Variants in SORCS1 observed in about 807,000 individuals in gnomAD.
SORCS1 encodes VPS10 domain-containing receptor SorCS1.
In SORCS1, 60 loss-of-function variants were observed where a neutral mutation model predicts 146.1. That is an observed-to-expected ratio of 0.41 (90% CI 0.33 to 0.51). SORCS1 has a LOEUF of 0.51. SORCS1 is among the 20% of genes least tolerant of loss of function. The pLI, the probability that SORCS1 is intolerant of heterozygous loss-of-function variation, is 0.21. For synonymous variants in SORCS1, 637 were observed against 584.0 expected (o/e 1.09, Z -1.31); for missense variants, 1,352 against 1,487.6 (o/e 0.91, Z 1.50).
At chr10:107,146,031 T>A (rs916748361) in intron 1 of SORCS1, among the ~76,000 whole-genome samples, 1 of 152,194 alleles carries the variant, frequency 6.6e-6, no homozygotes, top group East Asian at 1.9e-4. Context: ...CACAGGGAAG[T>A]AGCTCCACAG....
intron 1 of SORCS1, among the ~76,000 whole-genome samples, chr10:106,964,105 A>G (rs1383194549): frequency 6.6e-6 from 1 of 152,206 alleles, no homozygotes; most frequent in African/African-American, 2.4e-5. Context: ...TGAGGGAGAA[A>G]GCTCAGAGAG....
At chr10:107,075,014 C>T (rs1962759942) in intron 1 of SORCS1, among the ~76,000 whole-genome samples, 1 of 152,000 alleles carries the variant, frequency 6.6e-6, no homozygotes, top group African/African-American at 2.4e-5. Flanking sequence ...CACATCTATC[C>T]AAAAGTGGGA....
intron 1 of SORCS1, among the ~76,000 whole-genome samples, chr10:106,998,999 C>G (rs1002524662): frequency 6.6e-5 from 10 of 152,176 alleles, no homozygotes; most frequent in African/African-American, 2.4e-4. Flanking sequence ...TGAGGTTGGT[C>G]AGAGGTGACT....
At chr10:107,110,187 T>A (rs940466027) in intron 1 of SORCS1, among the ~76,000 whole-genome samples, 2 of 152,142 alleles carry the variant, frequency 1.3e-5, no homozygotes, top group South Asian at 2.1e-4. Context: ...CCCTCCAGAT[T>A]TTTTCAACCT....
intron 4 of SORCS1, 147 bp downstream of exon 4, chr10:106,776,387 T>C: frequency 3.1e-6 from 3 of 958,006 alleles, no homozygotes; most frequent in South Asian, 3.6e-5. Flanking sequence ...AGACTCTCCT[T>C]GCTTTCCCTT....
intron 1 of SORCS1, among the ~76,000 whole-genome samples, chr10:107,162,548 A>T (rs904782062): frequency 1.3e-5 from 2 of 152,212 alleles, no homozygotes; most frequent in Non-Finnish European, 2.9e-5. Flanking sequence ...ACCATATAAA[A>T]TCACAGACTC....
chr10:107,084,777 A>G (rs1166234919), intron 1 of SORCS1, among the ~76,000 whole-genome samples: 1 of 152,182 alleles, frequency 6.6e-6, no homozygotes, highest in Non-Finnish European at 1.5e-5. Flanking sequence ...TAAATTCTAC[A>G]AAACCACAAA....
intron 21 of SORCS1, among the ~76,000 whole-genome samples, chr10:106,615,038 C>T (rs1354901374): frequency 1.4e-4 from 1 of 7,298 alleles, no homozygotes; most frequent in East Asian, 0.1. Context: ...TTTTTCAGTC[C>T]CATCATGACA....
At chr10:107,180,583 G>A in the SORCS1 span, among the ~76,000 whole-genome samples, 2 of 151,742 alleles carry the variant, frequency 1.3e-5, no homozygotes, top group East Asian at 1.9e-4. Context: ...CCAGCTCTTT[G>A]TTTCATTGAT....
chr10:107,013,803 T>C (rs748399241), intron 1 of SORCS1, among the ~76,000 whole-genome samples: 4 of 152,132 alleles, frequency 2.6e-5, no homozygotes, highest in Middle Eastern at 3.2e-3. Flanking sequence ...AACCAGGTTG[T>C]TGAAGATTTT....
intron 3 of SORCS1, among the ~76,000 whole-genome samples, chr10:106,818,009 T>C (rs1947827114): frequency 6.6e-6 from 1 of 152,232 alleles, no homozygotes; most frequent in Non-Finnish European, 1.5e-5. Context: ...TTTAATTGCA[T>C]TCCTGAGCTG....
chr10:107,135,230 A>G (rs1384030950), intron 1 of SORCS1, among the ~76,000 whole-genome samples: 1 of 152,250 alleles, frequency 6.6e-6, no homozygotes, highest in Non-Finnish European at 1.5e-5. Flanking sequence ...TATTTGCATT[A>G]TTCACATATG....
At chr10:107,118,783 T>G (rs1966209872) in intron 1 of SORCS1, among the ~76,000 whole-genome samples, 1 of 152,234 alleles carries the variant, frequency 6.6e-6, no homozygotes, top group Non-Finnish European at 1.5e-5. Context: ...ACATTTTGGT[T>G]GTCTCCTCTA....
chr10:106,708,819 T>A (rs956482122), intron 7 of SORCS1, among the ~76,000 whole-genome samples: 1 of 152,182 alleles, frequency 6.6e-6, no homozygotes, highest in Admixed American at 6.5e-5. Context: ...GGGAGGGGGC[T>A]GATTGGCTGA....
chr10:106,943,640 T>C (rs1030104144), intron 2 of SORCS1, among the ~76,000 whole-genome samples: 5 of 133,470 alleles, frequency 3.7e-5, no homozygotes, highest in Non-Finnish European at 8.7e-5. Context: ...ACCCCATCTC[T>C]ACTAAAAATA....
In SORCS1 at chr10:106,960,781, G is replaced by C. The variant is rs536703676; in HGVS notation, c.559-4201C>G. ...ATCACCCATTCCTTGGAGGGTAGAAGGGTGCCAGAAACAGTGCCAGGTCAG... is the reference window on the plus strand; with the variant it reads ...ATCACCCATTCCTTGGAGGGTAGAACGGTGCCAGAAACAGTGCCAGGTCAG... On this transcript the variant is annotated intron_variant, in intron 1 of 25. Coordinates refer to ENST00000263054, the MANE Select transcript of SORCS1 (RefSeq NM_052918.5). The surrounding 1 kb of genome is among the most constrained non-coding windows in gnomAD (Gnocchi z 4.4). Among the ~76,000 whole-genome samples the C allele has an allele frequency of 6.6e-6, 1 of 152,240 alleles. No individual in the cohort carries two copies. Among genetic ancestry groups the C allele is most frequent in the East Asian group, 1.9e-4 (1 of 5,168 alleles).
rs1258924102 is a variant in SORCS1 at position 106,687,684 on chromosome 10, A to G, written c.1560+508T>C. ...AGTAAGACATAAATGAACAGAATAT[A>G]TTGTAAAGAATACCAATAAGGGTAT... On this transcript the variant is annotated intron_variant, in intron 10 of 25. Coordinates refer to ENST00000263054, the MANE Select transcript of SORCS1 (RefSeq NM_052918.5). Among the ~76,000 whole-genome samples the G allele has an allele frequency of 2.0e-5, 3 of 152,060 alleles. No homozygotes were observed. In the East Asian group the frequency reaches 5.8e-4, roughly 29 times the overall value.
chr10:107,093,226 TAC>T (rs1399242331), intron 1 of SORCS1, among the ~76,000 whole-genome samples: 1 of 152,172 alleles, frequency 6.6e-6, no homozygotes, highest in African/African-American at 2.4e-5. Flanking sequence ...GCCCAGCACA[TAC>T]ACACTTCGAT....
intron 17 of SORCS1, among the ~76,000 whole-genome samples, chr10:106,653,521 C>A (rs1850044279): frequency 6.6e-6 from 1 of 152,176 alleles, no homozygotes; most frequent in African/African-American, 2.4e-5. Flanking sequence ...GACTTTGTCA[C>A]AACTACTTAT....
Sources: allele counts gnomAD v4.1 joint callset (sites outside exome capture counted in the v4.1 genomes callset), GRCh38; gene constraint gnomAD v4.1.1; non-coding constraint Gnocchi (gnomAD v3.1); transcripts MANE v1.5; gene names NCBI Gene and HGNC (gene_info 2026-07-23, HGNC 2026-07-21).